CIRSR: variants seen among roughly 807,000 people sequenced by gnomAD.
CIRSR encodes CBF1 (RBPJ) interacting corepressor 1.
the CIRSR span, among the ~76,000 whole-genome samples, chr2:174,364,151 C>T: frequency 1.3e-5 from 2 of 152,116 alleles, no homozygotes; most frequent in Admixed American, 1.3e-4. Flanking sequence ...AAATTGGCCC[C>T]TTTGTTTTCA....
the CIRSR span, chr2:174,352,070 C>T: frequency 6.0e-6 from 1 of 166,356 alleles, no homozygotes; most frequent in Admixed American, 6.4e-5. Flanking sequence ...AGTAGTTATT[C>T]TCTCAGTAAG....
chr2:174,354,378 T>A, the CIRSR span, among the ~76,000 whole-genome samples: 9 of 118,624 alleles, frequency 7.6e-5, no homozygotes, highest in Non-Finnish European at 1.1e-4. Context: ...GTACATATAT[T>A]ACTTATATAT....
chr2:174,365,546 G>T, the CIRSR span, among the ~76,000 whole-genome samples: 2 of 152,192 alleles, frequency 1.3e-5, no homozygotes, highest in Non-Finnish European at 2.9e-5. Flanking sequence ...AAAGAAAGAG[G>T]TTTAACTGGA....
chr2:174,356,629 A>C, the CIRSR span, among the ~76,000 whole-genome samples: 2 of 149,440 alleles, frequency 1.3e-5, no homozygotes, highest in African/African-American at 4.9e-5. Context: ...AAGAAGGGGA[A>C]GGGGAAGGAA....
chr2:174,380,591 A>G, the CIRSR span: 2 of 1,417,098 alleles, frequency 1.4e-6, no homozygotes, highest in Non-Finnish European at 2.0e-6. Context: ...ATAAGATGGG[A>G]TATCAGTAAA....
chr2:174,376,660 T>A, the CIRSR span, among the ~76,000 whole-genome samples: 1 of 151,694 alleles, frequency 6.6e-6, no homozygotes, highest in Admixed American at 6.6e-5. Flanking sequence ...TAGCCAGGCG[T>A]GGTGGCAGGC....
the CIRSR span, among the ~76,000 whole-genome samples, chr2:174,385,129 C>T: frequency 6.7e-6 from 1 of 150,130 alleles, no homozygotes; most frequent in Admixed American, 6.7e-5. Flanking sequence ...GCAGGAGGAT[C>T]GCTTGAACCC....
the CIRSR span, among the ~76,000 whole-genome samples, chr2:174,390,371 C>A: frequency 2.6e-5 from 4 of 152,206 alleles, no homozygotes; most frequent in African/African-American, 7.2e-5. Context: ...GCCTGTAGCC[C>A]CTTTGTTTTG....
At chr2:174,385,563 C>T in the CIRSR span, among the ~76,000 whole-genome samples, 1 of 151,808 alleles carries the variant, frequency 6.6e-6, no homozygotes, top group South Asian at 2.1e-4. Context: ...TGGTTGATTC[C>T]AATGCTGCAG....
At chr2:174,356,533 A>AGGAAGGAAGGAAGGAAGGAC in the CIRSR span, among the ~76,000 whole-genome samples, 7,116 of 148,266 alleles carry the variant, frequency 0.048, 576 homozygotes, top group African/African-American at 0.16. Context: ...GAAAGAAGAA[A>AGGAAGGAAGGAAGGAAGGAC]GGAAGGAAGG....
At chr2:174,394,928 G>A in the CIRSR span, among the ~76,000 whole-genome samples, 2 of 152,150 alleles carry the variant, frequency 1.3e-5, no homozygotes, top group South Asian at 4.1e-4. Flanking sequence ...GAAGACTGAG[G>A]GTCAGATATT....
the CIRSR span, among the ~76,000 whole-genome samples, chr2:174,370,599 T>C: frequency 1.3e-5 from 2 of 152,242 alleles, no homozygotes; most frequent in Non-Finnish European, 2.9e-5. Flanking sequence ...GCTGTGTGTA[T>C]GTGTTTAAGC....
At chr2:174,349,538 T>C in the CIRSR span, among the ~76,000 whole-genome samples, 30 of 145,314 alleles carry the variant, frequency 2.1e-4, no homozygotes, top group African/African-American at 7.3e-4. Context: ...GCACTCCAGC[T>C]TGGGCAAAAG....
the CIRSR span, among the ~76,000 whole-genome samples, chr2:174,382,336 G>A: frequency 6.6e-6 from 1 of 152,042 alleles, no homozygotes; most frequent in Non-Finnish European, 1.5e-5. Flanking sequence ...TGAGGCCAGT[G>A]AAAAAAGAAT....
the CIRSR span, among the ~76,000 whole-genome samples, chr2:174,365,363 T>C: frequency 6.6e-6 from 1 of 152,204 alleles, no homozygotes; most frequent in South Asian, 2.1e-4. Flanking sequence ...TACATTTTCC[T>C]GTCCTCTTCT....
the CIRSR span, among the ~76,000 whole-genome samples, chr2:174,390,690 G>T: frequency 3.3e-5 from 5 of 152,128 alleles, no homozygotes; most frequent in Middle Eastern, 3.4e-3. Context: ...TAATCCCCGC[G>T]TATCGTGGGA....
the CIRSR span, among the ~76,000 whole-genome samples, chr2:174,388,071 C>T: frequency 3.3e-5 from 5 of 152,184 alleles, no homozygotes; most frequent in Non-Finnish European, 7.3e-5. Context: ...CATTCAAAGC[C>T]GTCCTGGGCC....
chr2:174,352,542 A>AGGCCAACTT, the CIRSR span, among the ~76,000 whole-genome samples: 1 of 152,242 alleles, frequency 6.6e-6, no homozygotes, highest in Non-Finnish European at 1.5e-5. Context: ...TGAGCCCAGG[A>AGGCCAACTT]GGCCAACTTG....
At chr2:174,389,792 G>A in the CIRSR span, among the ~76,000 whole-genome samples, 13 of 152,214 alleles carry the variant, frequency 8.5e-5, no homozygotes, top group South Asian at 1.9e-3. Flanking sequence ...TTTGGTCTTC[G>A]TGCCCTGCAT....
Sources: gnomAD v4.1 joint callset for allele counts (sites outside exome capture counted in the v4.1 genomes callset) on GRCh38, gnomAD v4.1.1 for gene constraint, MANE v1.5 for transcripts, NCBI Gene and HGNC (gene_info 2026-07-23, HGNC 2026-07-21) for gene names.